The following ANKRD27 variants were observed in gnomAD, a reference collection of about 807,000 sequenced individuals.
ANKRD27 encodes ankyrin repeat domain 27, also known as ankyrin repeat domain-containing protein 27.
ANKRD27 carries 112 observed loss-of-function variants against 129.7 expected under a neutral mutation model. The ratio of observed to expected loss-of-function variants is 0.86; its 90% CI spans 0.74 to 1.01. ANKRD27 has a LOEUF of 1.01. Ranked by LOEUF, ANKRD27 falls within the 50% of genes least tolerant of loss-of-function variation. The pLI is 0.00. For synonymous variants in ANKRD27, 516 were observed against 511.2 expected (o/e 1.01, Z -0.13); for missense variants, 1,258 against 1,300.5 (o/e 0.97, Z 0.50).
intron 12 of ANKRD27, among the ~76,000 whole-genome samples, chr19:32,632,627 C>T (rs1037707431): frequency 7.4e-5 from 11 of 149,468 alleles, no homozygotes; most frequent in Admixed American, 6.7e-5. Context: ...AGATACTTTC[C>T]ATAATACTTT....
intron 1 of ANKRD27, among the ~76,000 whole-genome samples, chr19:32,669,497 T>C (rs991935828): frequency 1.1e-4 from 17 of 152,182 alleles, no homozygotes; most frequent in Admixed American, 1.3e-4. Flanking sequence ...ATGTGGCACA[T>C]TGCAAAAGTA....
intron 26 of ANKRD27, among the ~76,000 whole-genome samples, chr19:32,601,221 C>G (rs1257552338): frequency 6.6e-6 from 1 of 152,078 alleles, no homozygotes; most frequent in East Asian, 1.9e-4. Flanking sequence ...ATAACTTGAA[C>G]CCAGGAGGCA....
At chr19:32,623,105 C>T (rs59392054) in intron 17 of ANKRD27, among the ~76,000 whole-genome samples, 3,236 of 152,148 alleles carry the variant, frequency 0.021, 92 homozygotes, top group African/African-American at 0.056. Flanking sequence ...ACACCTCATG[C>T]TTTCAAAAGG....
At chr19:32,658,880 G>A (rs1432758559) in intron 2 of ANKRD27, 34 bp downstream of exon 2, 2 of 1,531,832 alleles carry the variant, frequency 1.3e-6, no homozygotes, top group Non-Finnish European at 1.8e-6. Context: ...AACCATTCAT[G>A]CCTCAGGACA....
intron 5 of ANKRD27, among the ~76,000 whole-genome samples, chr19:32,643,941 T>A (rs532051747): frequency 9.2e-5 from 14 of 152,068 alleles, no homozygotes; most frequent in South Asian, 2.1e-4. Context: ...GTGGTATGAC[T>A]ATAGCACGCT....
chr19:32,626,617 G>T, intron 16 of ANKRD27, 95 bp downstream of exon 16: 1 of 891,052 alleles, frequency 1.1e-6, no homozygotes, highest in Non-Finnish European at 1.7e-6. Context: ...CAGGAGACAG[G>T]GGTGCAGGGT....
At chr19:32,652,741 G>A (rs1293930019) in intron 2 of ANKRD27, among the ~76,000 whole-genome samples, 1 of 151,650 alleles carries the variant, frequency 6.6e-6, no homozygotes, top group East Asian at 1.9e-4. Context: ...CAGCCTGGGC[G>A]ACAGGGCAAA....
chr19:32,610,105 A>G (rs1971811983), intron 22 of ANKRD27, among the ~76,000 whole-genome samples: 1 of 152,050 alleles, frequency 6.6e-6, no homozygotes, highest in Admixed American at 6.6e-5. Flanking sequence ...AGGTCAAGAG[A>G]TCGAGACCAT....
Position 32,597,903 on chromosome 19 carries a change from T to G in ANKRD27, c.*242A>C, listed in dbSNP as rs1315470036. 9.0e-6 allele frequency: 5 copies of G among 557,952 alleles called. No individual in the cohort carries two copies. The highest frequency in any genetic ancestry group is 1.6e-5 in the Non-Finnish European group (5 of 310,700). The allele number at this position is 557,952 out of a possible 1,614,324, so 34.6% of individuals were successfully genotyped here. On this transcript the variant is annotated 3_prime_UTR_variant, in exon 29 of 29. Transcript: ENST00000306065. ...TGCACCTCTGGCTTAAGGATCTGGA[T>G]GCTACTGGAATTTTTGTCTGTTTCA...
chr19:32,610,548 T>A lies in ANKRD27; in HGVS notation c.2176-2716A>T, dbSNP rs377384581. On this transcript the variant is annotated intron_variant, in intron 22 of 28. Transcript: ENST00000306065. Reference sequence around the variant, plus strand: ...GGCTCATGCCTATAATCCCAGCACTTTGGGAGGCTGAGGCAAGCGGATCAC... The same window carrying A: ...GGCTCATGCCTATAATCCCAGCACTATGGGAGGCTGAGGCAAGCGGATCAC... Among the ~76,000 whole-genome samples, 5 of 151,236 alleles carry A rather than the reference T, an allele frequency of 3.3e-5. No individual in the cohort carries two copies. The South Asian group carries it at 6.3e-4, about 19-fold the overall frequency.
Sources: gnomAD v4.1 joint callset for allele counts (sites outside exome capture counted in the v4.1 genomes callset) on GRCh38, gnomAD v4.1.1 for gene constraint, MANE v1.5 for transcripts, NCBI Gene and HGNC (gene_info 2026-07-23, HGNC 2026-07-21) for gene names.